MORN4: variants seen among roughly 807,000 people sequenced by gnomAD.
MORN4 encodes MORN repeat containing 4.
MORN4 carries 8 observed loss-of-function variants against 16.4 expected under a neutral mutation model. The observed-to-expected ratio is 0.49, with a 90% CI of 0.29 to 0.88. MORN4 has a LOEUF of 0.88. MORN4 is among the 40% of genes least tolerant of loss of function. The pLI, the probability that MORN4 is intolerant of heterozygous loss-of-function variation, is 0.09. For synonymous variants in MORN4, 53 were observed against 68.9 expected (o/e 0.77, Z 1.14); for missense variants, 159 against 182.9 (o/e 0.87, Z 0.75).
chr10:97,629,925 A>ATTT (rs35892196), intron 1 of MORN4, among the ~76,000 whole-genome samples: 1 of 126,380 alleles, frequency 7.9e-6, no homozygotes, highest in South Asian at 2.5e-4. Flanking sequence ...CGCCCAGCTA[A>ATTT]TTTTTTTTTT....
Position 97,615,409 on chromosome 10 carries a change from C to A in MORN4, c.*854G>T, listed in dbSNP as rs2041227757. Reference sequence around the variant, plus strand: ...TGAGCCTGAGCCACATAGCAAGACCCTGGCTCAATTTTTTATAATAATAAA... The same window carrying A: ...TGAGCCTGAGCCACATAGCAAGACCATGGCTCAATTTTTTATAATAATAAA... On this transcript the variant is annotated 3_prime_UTR_variant, in exon 5 of 5. Transcript: ENST00000307450. 6.6e-6 allele frequency: 1 copy of A among 152,204 alleles called. No homozygotes were observed. The highest frequency in any genetic ancestry group is 2.4e-5 in the African/African-American group (1 of 41,448). The allele number at this position is 152,204 out of a possible 1,614,324, so 9.4% of individuals were successfully genotyped here. A position where few individuals can be genotyped will look rare whatever the true frequency, so the allele number is the denominator to read the frequency against.
At chr10:97,627,168 C>T (rs1013680021) in intron 1 of MORN4, among the ~76,000 whole-genome samples, 3 of 151,254 alleles carry the variant, frequency 2.0e-5, no homozygotes, top group Admixed American at 6.6e-5. Flanking sequence ...TTTTTTGAGA[C>T]ACTCTCACTC....
rs927380474 is a variant in MORN4, at chr10:97,617,107, A to T, written c.182+101T>A. On this transcript the variant is annotated intron_variant, in intron 3 of 4. Coordinates refer to ENST00000307450, the MANE Select transcript of MORN4 (RefSeq NM_178832.4). ...TATTACTCATCTGTGTTCTGCAGGGAGTGAGACAAGGTCAGGATTGACCAG... is the reference window on the plus strand; with the variant it reads ...TATTACTCATCTGTGTTCTGCAGGGTGTGAGACAAGGTCAGGATTGACCAG... 8 of 892,710 alleles carry T rather than the reference A, an allele frequency of 9.0e-6. No homozygotes were observed. The Admixed American group carries it at 1.5e-4, about 17-fold the overall frequency. The allele number at this position is 892,710 out of a possible 1,614,324, so 55.3% of individuals were successfully genotyped here.
At chr10:97,618,152 C>T (rs7917477) in intron 2 of MORN4, among the ~76,000 whole-genome samples, 48,085 of 151,630 alleles carry the variant, frequency 0.32, 9,565 homozygotes, top group African/African-American at 0.57. Flanking sequence ...CACTCCAGCT[C>T]GGGCAACAAG....
intron 1 of MORN4, among the ~76,000 whole-genome samples, chr10:97,628,489 G>A (rs1303864630): frequency 1.3e-5 from 2 of 152,106 alleles, no homozygotes; most frequent in Middle Eastern, 3.4e-3. Flanking sequence ...GGTTATTTAC[G>A]GACAAAGTAC....
chr10:97,633,092 T>G lies in MORN4; in HGVS notation c.-31+255A>C, dbSNP rs1242465832. On this transcript the variant is annotated intron_variant, in intron 1 of 4. Coordinates refer to ENST00000307450, the MANE Select transcript of MORN4 (RefSeq NM_178832.4). This position sits in a 1 kb window ranked among gnomAD's most constrained non-coding sequence, Gnocchi z 4.5. Reference sequence around the variant, plus strand: ...CGGCAGGGTCTAACGCTCACACAGGTCTGCCAATTCCCCTGATGCAACCCT... The same window carrying G: ...CGGCAGGGTCTAACGCTCACACAGGGCTGCCAATTCCCCTGATGCAACCCT... Among the ~76,000 whole-genome samples, 2 of 152,076 alleles carry G rather than the reference T, an allele frequency of 1.3e-5. No individual in the cohort carries two copies. The highest frequency in any genetic ancestry group is 2.9e-5 in the Non-Finnish European group (2 of 68,002).
At chr10:97,622,705 A>C (rs1261121108) in intron 1 of MORN4, among the ~76,000 whole-genome samples, 2 of 151,208 alleles carry the variant, frequency 1.3e-5, no homozygotes, top group African/African-American at 2.4e-5. Flanking sequence ...AAAAAAAAAA[A>C]AAAAACGGAA....
rs571234432 is a variant in MORN4, at chr10:97,620,352, G to A, written c.-30-669C>T. 3.9e-5 allele frequency among the ~76,000 whole-genome samples: 6 copies of A among 151,938 alleles called. No individual in the cohort carries two copies. The South Asian group carries it at 1.2e-3, about 32-fold the overall frequency. ...AAAATACAAAAATTAGCTGGGCGTG[G>A]TGGCAGGAGCCTGTAATCCTAGCTA... is the stretch of plus-strand genomic sequence containing the variant. On this transcript the variant is annotated intron_variant, in intron 1 of 4. Transcript: ENST00000307450.
At chr10:97,617,909 C>T (rs1201668181) in intron 2 of MORN4, among the ~76,000 whole-genome samples, 1 of 152,130 alleles carries the variant, frequency 6.6e-6, no homozygotes, top group Non-Finnish European at 1.5e-5. Context: ...CAGTGACTCA[C>T]GCCTGTAATC....
chr10:97,633,471 C>T lies in MORN4; in HGVS notation c.-155G>A. ...GCCACCTCCACCAGCGATTGCCCCA[C>T]TTGACGCCGCCATCCTGGGCGACCG... On this transcript the variant is annotated 5_prime_UTR_variant, in exon 1 of 5. It adds an upstream start codon to the 5' untranslated region. Coordinates refer to ENST00000307450, the MANE Select transcript of MORN4 (RefSeq NM_178832.4). This position sits in a 1 kb window ranked among gnomAD's most constrained non-coding sequence, Gnocchi z 4.5. The T allele has an allele frequency of 1.6e-6, 2 of 1,289,868 alleles. No individual in the cohort carries two copies. The highest frequency in any genetic ancestry group is 1.2e-5 in the South Asian group (1 of 81,038). 79.9% of individuals were successfully genotyped at this position (1,289,868 alleles called of 1,614,324 possible).
intron 2 of MORN4, chr10:97,619,374 A>T: frequency 1.7e-6 from 1 of 584,848 alleles, no homozygotes; most frequent in East Asian, 2.8e-5. Context: ...AAAAAAAGAA[A>T]GATATAACTC....
Position 97,619,511 on chromosome 10 carries a change from G to C in MORN4, c.67+76C>G, listed in dbSNP as rs569685842. ...GTTGAAAATGAAGATCCATAAAGTTGGCTATATATCCTGATGTATTTGTCC... is the reference window on the plus strand; with the variant it reads ...GTTGAAAATGAAGATCCATAAAGTTCGCTATATATCCTGATGTATTTGTCC... On this transcript the variant is annotated intron_variant, in intron 2 of 4. Coordinates refer to ENST00000307450, the MANE Select transcript of MORN4 (RefSeq NM_178832.4). 4.1e-5 allele frequency: 40 copies of C among 984,590 alleles called. No individual in the cohort carries two copies. In the East Asian group the frequency reaches 9.5e-4, roughly 23 times the overall value. 61.0% of individuals were successfully genotyped at this position (984,590 alleles called of 1,614,324 possible). A position where few individuals can be genotyped will look rare whatever the true frequency, so the allele number is the denominator to read the frequency against.
At chr10:97,632,003 A>C (rs1328894243) in intron 1 of MORN4, among the ~76,000 whole-genome samples, 1 of 152,094 alleles carries the variant, frequency 6.6e-6, no homozygotes, top group Non-Finnish European at 1.5e-5. Flanking sequence ...ATCCAGTTAG[A>C]GAATACTGGG....
chr10:97,630,169 C>G (rs1017689507), intron 1 of MORN4, among the ~76,000 whole-genome samples: 1 of 152,098 alleles, frequency 6.6e-6, no homozygotes, highest in Non-Finnish European at 1.5e-5. Flanking sequence ...CCTTGTGATC[C>G]GCCTGCCTCA....
chr10:97,634,150 T>C (rs1183680686), upstream of MORN4, among the ~76,000 whole-genome samples: 3 of 151,908 alleles, frequency 2.0e-5, no homozygotes, highest in African/African-American at 7.3e-5. Context: ...AAGAAAAAAA[T>C]TACCCAGCCT....
At chr10:97,621,225 T>G (rs1246028058) in intron 1 of MORN4, among the ~76,000 whole-genome samples, 6 of 152,124 alleles carry the variant, frequency 3.9e-5, no homozygotes, top group Non-Finnish European at 8.8e-5. Context: ...AGAGAGGTAA[T>G]AAAGTTTGTT....
chr10:97,620,553 A>G (rs1050868743), intron 1 of MORN4, among the ~76,000 whole-genome samples: 1 of 151,602 alleles, frequency 6.6e-6, no homozygotes, highest in African/African-American at 2.4e-5. Flanking sequence ...AAGGGCAAGG[A>G]ACACTCTAAG....
chr10:97,628,226 A>C (rs2135742360), intron 1 of MORN4, among the ~76,000 whole-genome samples: 1 of 152,342 alleles, frequency 6.6e-6, no homozygotes, highest in East Asian at 1.9e-4. Flanking sequence ...TTATACAAAA[A>C]GATTATAAGA....
At chr10:97,622,154 G>A (rs1438341075) in intron 1 of MORN4, among the ~76,000 whole-genome samples, 1 of 152,046 alleles carries the variant, frequency 6.6e-6, no homozygotes, top group East Asian at 1.9e-4. Flanking sequence ...CCAAACTAGC[G>A]ACCACAGACT....
Sources: gnomAD v4.1 joint callset for allele counts (sites outside exome capture counted in the v4.1 genomes callset) on GRCh38, gnomAD v4.1.1 for gene constraint, Gnocchi (gnomAD v3.1) non-coding constraint, MANE v1.5 for transcripts, NCBI Gene and HGNC (gene_info 2026-07-23, HGNC 2026-07-21) for gene names.